NRG1: variants seen among roughly 807,000 people sequenced by gnomAD.
NRG1 encodes neuregulin 1.
In NRG1, 18 loss-of-function variants were observed where a neutral mutation model predicts 63.8. The ratio of observed to expected loss-of-function variants is 0.28; its 90% CI spans 0.19 to 0.42. The LOEUF (loss-of-function observed/expected upper bound fraction) is 0.42, where lower values mean the gene tolerates loss of function less well. Among genes scored for constraint, NRG1 ranks in the 10% least tolerant of loss-of-function variants. The pLI is 1.00. For synonymous variants in NRG1, 302 were observed against 301.3 expected (o/e 1.00, Z -0.02); for missense variants, 762 against 814.7 (o/e 0.94, Z 0.79).
intron 1 of NRG1, among the ~76,000 whole-genome samples, chr8:32,219,353 T>C (rs1731399481): frequency 6.6e-6 from 1 of 152,222 alleles, no homozygotes; most frequent in Admixed American, 6.5e-5. Context: ...GAAAGAAATC[T>C]GCATTCAGGT....
chr8:31,847,403 G>T (rs868212764), intron 1 of NRG1, among the ~76,000 whole-genome samples: 1 of 152,096 alleles, frequency 6.6e-6, no homozygotes, highest in South Asian at 2.1e-4. Context: ...CAGGGTGTTC[G>T]GATGAGCTAT....
intron 1 of NRG1, among the ~76,000 whole-genome samples, chr8:31,999,626 T>C (rs1218366664): frequency 6.6e-6 from 1 of 152,044 alleles, no homozygotes; most frequent in Non-Finnish European, 1.5e-5. Flanking sequence ...TTCAAAGAAA[T>C]CTGCTTCAAT....
At chr8:32,051,973 A>T (rs16878691) in intron 1 of NRG1, among the ~76,000 whole-genome samples, 6 of 152,246 alleles carry the variant, frequency 3.9e-5, no homozygotes, top group Admixed American at 2.0e-4. Context: ...TTAGCACTGG[A>T]CTTGGTAACT....
chr8:32,507,700 A>G (rs762021485), intron 1 of NRG1, among the ~76,000 whole-genome samples: 1 of 152,138 alleles, frequency 6.6e-6, no homozygotes. Context: ...TCCTTTGCAA[A>G]TCTTTGCCCA....
At position 32,278,360 on chromosome 8, in the gene NRG1, G is replaced by T. The variant is rs1198222442; in HGVS notation, c.38-317468G>T. Among the ~76,000 whole-genome samples, 3 of 152,120 alleles carry T rather than the reference G, an allele frequency of 2.0e-5. No individual in the cohort carries two copies. In the East Asian group the frequency reaches 5.8e-4, roughly 29 times the overall value. ...GAGAAACCCCAATCTTCAAAAAAAG[G>T]ATAAAAGTCTTAGCTTTTGTTCATG... On this transcript the variant is annotated intron_variant, in intron 1 of 10. Coordinates refer to the NRG1 transcript ENST00000519301.
intron 1 of NRG1, among the ~76,000 whole-genome samples, chr8:32,154,973 G>A (rs1837892152): frequency 6.6e-6 from 1 of 152,174 alleles, no homozygotes; most frequent in Non-Finnish European, 1.5e-5. Context: ...TGTTATAATT[G>A]TTCTCATATG....
At chr8:31,971,064 T>A (rs1376705881) in intron 1 of NRG1, among the ~76,000 whole-genome samples, 1 of 151,474 alleles carries the variant, frequency 6.6e-6, no homozygotes, top group African/African-American at 2.4e-5. Flanking sequence ...AAAAAAATTA[T>A]GATATTTAAA....
chr8:31,830,463 G>C (rs767217610), intron 1 of NRG1, among the ~76,000 whole-genome samples: 1 of 151,608 alleles, frequency 6.6e-6, no homozygotes, highest in Non-Finnish European at 1.5e-5. Flanking sequence ...AGATCAGCTG[G>C]GACAACTTAA....
At chr8:32,342,743 A>G (rs1375675137) in intron 1 of NRG1, among the ~76,000 whole-genome samples, 1 of 152,246 alleles carries the variant, frequency 6.6e-6, no homozygotes, top group African/African-American at 2.4e-5. Context: ...ATATGACTAC[A>G]TGAAAGTAGA....
chr8:32,108,107 GGAATTTGGTAGGCAGAACCAT>G (rs748963580), intron 1 of NRG1, among the ~76,000 whole-genome samples: 29 of 152,022 alleles, frequency 1.9e-4, no homozygotes, highest in Non-Finnish European at 4.1e-4. Context: ...GAAAAAACTT[GGAATTTGGTAGGCAGAACCAT>G]GACCCTCCTC....
At chr8:32,293,383 C>G (rs965797771) in intron 1 of NRG1, among the ~76,000 whole-genome samples, 30 of 152,156 alleles carry the variant, frequency 2.0e-4, no homozygotes, top group African/African-American at 6.7e-4. Context: ...CAAGGGCCAC[C>G]AGAGCTGTGA....
chr8:31,806,621 T>A (rs1309256149), intron 1 of NRG1, among the ~76,000 whole-genome samples: 2 of 152,198 alleles, frequency 1.3e-5, no homozygotes, highest in Non-Finnish European at 2.9e-5. Context: ...CTAATACCCT[T>A]TCTTCTTTGC....
At chr8:32,064,042 G>A (rs1178609541) in intron 1 of NRG1, among the ~76,000 whole-genome samples, 1 of 151,910 alleles carries the variant, frequency 6.6e-6, no homozygotes, top group African/African-American at 2.4e-5. Flanking sequence ...GAGCAATTGG[G>A]CAGTTTAAAA....
At chr8:32,714,385 A>T (rs1302815282) in intron 5 of NRG1, among the ~76,000 whole-genome samples, 1 of 152,208 alleles carries the variant, frequency 6.6e-6, no homozygotes, top group Non-Finnish European at 1.5e-5. Flanking sequence ...AAGAATGATG[A>T]TGTGTTTTAA....
chr8:32,420,719 G>A (rs1816609394), intron 1 of NRG1, among the ~76,000 whole-genome samples: 1 of 152,046 alleles, frequency 6.6e-6, no homozygotes. Flanking sequence ...TCCAAATAGG[G>A]CTTTATGATA....
intron 1 of NRG1, among the ~76,000 whole-genome samples, chr8:31,898,400 A>G (rs1413802530): frequency 1.3e-5 from 2 of 152,232 alleles, no homozygotes; most frequent in Non-Finnish European, 2.9e-5. Context: ...TAACTATAGT[A>G]CATCTGTTTT....
intron 1 of NRG1, among the ~76,000 whole-genome samples, chr8:32,121,382 C>G (rs1833422997): frequency 6.8e-6 from 1 of 147,548 alleles, no homozygotes; most frequent in Admixed American, 7.0e-5. Flanking sequence ...GTAGGCTGAT[C>G]ATTTACCTGG....
At chr8:31,690,953 G>C (rs1011998072) in intron 1 of NRG1, among the ~76,000 whole-genome samples, 1 of 152,138 alleles carries the variant, frequency 6.6e-6, no homozygotes, top group Non-Finnish European at 1.5e-5. Context: ...GTGTAAATAT[G>C]GGAGCCATCA....
At chr8:31,690,710 CAG>C (rs1223517365) in intron 1 of NRG1, among the ~76,000 whole-genome samples, 1 of 152,060 alleles carries the variant, frequency 6.6e-6, no homozygotes, top group Non-Finnish European at 1.5e-5. Flanking sequence ...TGGGATATGA[CAG>C]AAAGAGGTTC....
Sources: gnomAD v4.1 joint callset for allele counts (sites outside exome capture counted in the v4.1 genomes callset) on GRCh38, gnomAD v4.1.1 for gene constraint, MANE v1.5 for transcripts, NCBI Gene and HGNC (gene_info 2026-07-23, HGNC 2026-07-21) for gene names.